FRMD4A: variants seen among roughly 807,000 people sequenced by gnomAD.
FRMD4A encodes the protein FERM domain-containing protein 4A.
In FRMD4A, 29 loss-of-function variants were observed where a neutral mutation model predicts 129.1. The ratio of observed to expected loss-of-function variants is 0.22; its 90% CI spans 0.17 to 0.31. The LOEUF is 0.31. Ranked by LOEUF, FRMD4A falls within the 10% of genes least tolerant of loss-of-function variation. The pLI is 1.00. For synonymous variants in FRMD4A, 634 were observed against 571.6 expected, an observed-to-expected ratio of 1.11 and a Z score of -1.56; for missense variants, 1,272 against 1,375.8, an observed-to-expected ratio of 0.92 and a Z score of 1.19.
chr10:14,027,958 C>G (rs1244377601), intron 2 of FRMD4A, among the ~76,000 whole-genome samples: 1 of 151,948 alleles, frequency 6.6e-6, no homozygotes, highest in Non-Finnish European at 1.5e-5. Flanking sequence ...TAACTGGGTA[C>G]CAGGGAGGAA....
chr10:13,819,415 C>G (rs557850294), intron 3 of FRMD4A, among the ~76,000 whole-genome samples: 2 of 152,256 alleles, frequency 1.3e-5, no homozygotes, highest in African/African-American at 4.8e-5. Flanking sequence ...TCCATGAAGC[C>G]CTCCCTGACC....
rs536495751 is a variant in FRMD4A at position 13,886,859 on chromosome 10, C to T, written c.46-27947G>A. 1.9e-3 allele frequency among the ~76,000 whole-genome samples: 282 copies of T among 152,202 alleles called. 1 individual carries two copies. Among genetic ancestry groups the T allele is most frequent in the African/African-American group, 6.2e-3 (256 of 41,524 alleles). ...TCCGGGGAGTGCTCAACATGAGCAGCGAGTTAATGTAGTGAGTGTATGCAA... is the reference window on the plus strand; with the variant it reads ...TCCGGGGAGTGCTCAACATGAGCAGTGAGTTAATGTAGTGAGTGTATGCAA... On this transcript the variant is annotated intron_variant, in intron 2 of 24. Transcript: ENST00000357447.
Position 13,660,431 on chromosome 10 carries a change from G to A in FRMD4A, c.1783C>T (p.His595Tyr), listed in dbSNP as rs1333424918. 8 of 1,613,782 alleles carry A rather than the reference G, an allele frequency of 5.0e-6. No individual in the cohort carries two copies. The highest frequency in any genetic ancestry group is 5.9e-6 in the Non-Finnish European group (7 of 1,179,754). The change falls in exon 20 of 25, where the codon CAC becomes TAC. Residue 595 changes from histidine to tyrosine, a missense_variant. His to Tyr is a moderately conservative substitution (Grantham distance 83). Around this residue, in one of 2 missense-constraint regions of FRMD4A, gnomAD observed 972 missense variants for 892.3 expected, o/e 1.09. Coordinates refer to ENST00000357447, the MANE Select transcript of FRMD4A (RefSeq NM_018027.5). ...TTGTCATAGTCGTTGCGGTGATAGT[G>A]CATCTGTCGGAGTCCCTCCAGGGAC... ...PQSLEGLRQMHYHRNDYDKSP... is the reference protein window; with the variant it reads ...PQSLEGLRQMYYHRNDYDKSP...
At chr10:13,710,254 C>A (rs2087879323) in intron 12 of FRMD4A, among the ~76,000 whole-genome samples, 1 of 151,944 alleles carries the variant, frequency 6.6e-6, no homozygotes, top group Non-Finnish European at 1.5e-5. Context: ...AGCCCCCCTC[C>A]CCACCCGATG....
intron 12 of FRMD4A, among the ~76,000 whole-genome samples, chr10:13,733,592 C>T (rs1308678907): frequency 6.6e-6 from 1 of 152,170 alleles, no homozygotes; most frequent in Non-Finnish European, 1.5e-5. Flanking sequence ...GCAGGCCTGG[C>T]TAATTTTGTA....
intron 2 of FRMD4A, among the ~76,000 whole-genome samples, chr10:14,298,079 C>T (rs7913452): frequency 0.14 from 21,121 of 152,170 alleles, 1,711 homozygotes; most frequent in Middle Eastern, 0.24. Flanking sequence ...GCCATATTTG[C>T]TTCTTTATCT....
chr10:14,071,780 C>G (rs1235776697), intron 2 of FRMD4A, among the ~76,000 whole-genome samples: 1 of 151,932 alleles, frequency 6.6e-6, no homozygotes, highest in Non-Finnish European at 1.5e-5. Context: ...TTAGTGGGAT[C>G]TTCTCCAAGT....
At chr10:13,895,753 T>G (rs1486379508) in intron 2 of FRMD4A, among the ~76,000 whole-genome samples, 2 of 151,934 alleles carry the variant, frequency 1.3e-5, no homozygotes, top group Non-Finnish European at 2.9e-5. Context: ...GGGAGAAAAT[T>G]TTTGCAATCT....
intron 12 of FRMD4A, among the ~76,000 whole-genome samples, chr10:13,734,321 G>A (rs933653428): frequency 6.6e-5 from 10 of 152,042 alleles, no homozygotes; most frequent in African/African-American, 9.7e-5. Flanking sequence ...AGCAGTTTCC[G>A]GAGAGTGCTT....
At chr10:14,071,521 C>T (rs1057179372) in intron 2 of FRMD4A, among the ~76,000 whole-genome samples, 11 of 151,736 alleles carry the variant, frequency 7.2e-5, no homozygotes, top group Non-Finnish European at 8.8e-5. Context: ...TTCCATCATC[C>T]GAAAACATTT....
At chr10:14,007,205 A>C (rs899304670) in intron 2 of FRMD4A, 13 of 152,204 alleles carry the variant, frequency 8.5e-5, no homozygotes, top group African/African-American at 3.1e-4. Context: ...CTACACCTTA[A>C]CTGAAGACGT....
At chr10:14,229,330 T>TGGGTGGATATGTGGGTTGCAC (rs1250679973) in intron 2 of FRMD4A, among the ~76,000 whole-genome samples, 1 of 152,312 alleles carries the variant, frequency 6.6e-6, no homozygotes, top group Non-Finnish European at 1.5e-5. Context: ...GTTGGTTGCA[T>TGGGTGGATATGTGGGTTGCAC]GGGTGGATAT....
chr10:14,042,907 A>G (rs1486493404), intron 2 of FRMD4A, among the ~76,000 whole-genome samples: 2 of 140,250 alleles, frequency 1.4e-5, no homozygotes, highest in Non-Finnish European at 3.1e-5. Flanking sequence ...CCTGGGTGAT[A>G]GAGCAAGACT....
chr10:14,280,177 G>A (rs1845472128), intron 2 of FRMD4A, among the ~76,000 whole-genome samples: 1 of 152,192 alleles, frequency 6.6e-6, no homozygotes, highest in Non-Finnish European at 1.5e-5. Context: ...ATGTGGTGGT[G>A]GAGCAAAGCG....
intron 6 of FRMD4A, among the ~76,000 whole-genome samples, chr10:13,772,801 T>C (rs560102555): frequency 9.2e-5 from 14 of 152,016 alleles, no homozygotes; most frequent in East Asian, 5.8e-4. Flanking sequence ...TTACCAGAGG[T>C]TGGAAAGGGT....
intron 2 of FRMD4A, among the ~76,000 whole-genome samples, chr10:14,038,971 C>T (rs1349898564): frequency 1.3e-5 from 2 of 152,116 alleles, no homozygotes; most frequent in African/African-American, 4.8e-5. Flanking sequence ...TTTGAAAGGG[C>T]CAGTGTGGAC....
intron 14 of FRMD4A, among the ~76,000 whole-genome samples, chr10:13,700,465 T>C (rs1248778326): frequency 6.6e-6 from 1 of 152,226 alleles, no homozygotes; most frequent in East Asian, 1.9e-4. Flanking sequence ...CCTCCGTAAG[T>C]GCTAGAAACC....
chr10:14,126,610 C>A (rs1838856179), intron 2 of FRMD4A, among the ~76,000 whole-genome samples: 1 of 152,178 alleles, frequency 6.6e-6, no homozygotes, highest in South Asian at 2.1e-4. Flanking sequence ...CACCTTCTCC[C>A]ATCTGCATAG....
intron 2 of FRMD4A, among the ~76,000 whole-genome samples, chr10:14,246,554 T>A (rs1391895228): frequency 6.6e-6 from 1 of 152,196 alleles, no homozygotes; most frequent in Non-Finnish European, 1.5e-5. Flanking sequence ...CATGCATGTA[T>A]TTACACAATC....
Sources: gnomAD v4.1 joint callset for allele counts (sites outside exome capture counted in the v4.1 genomes callset) on GRCh38, gnomAD v4.1.1 for gene constraint, gnomAD v4.1.1 regional missense constraint, MANE v1.5 for transcripts, NCBI Gene and HGNC (gene_info 2026-07-23, HGNC 2026-07-21) for gene names.